FCSK: variants seen among roughly 807,000 people sequenced by gnomAD.
FCSK encodes the protein fucose kinase.
Under a neutral mutation model 122.5 loss-of-function variants are expected in FCSK, and 123 were observed. The ratio of observed to expected loss-of-function variants is 1.00; its 90% CI spans 0.87 to 1.17. The LOEUF (loss-of-function observed/expected upper bound fraction) is 1.17. Among genes scored for constraint, FCSK ranks in the 50% most tolerant of loss-of-function variants. FCSK has a pLI of 0.00. For synonymous variants in FCSK, 620 were observed against 625.5 expected (o/e 0.99, Z 0.13); for missense variants, 1,366 against 1,450.4 (o/e 0.94, Z 0.95).
intron 8 of FCSK, among the ~76,000 whole-genome samples, chr16:70,468,324 G>C (rs2048490158): frequency 6.6e-6 from 1 of 152,212 alleles, no homozygotes; most frequent in African/African-American, 2.4e-5. Flanking sequence ...AGAGGTAGAG[G>C]CTCGAGAATC....
chr16:70,464,988 G>A, intron 3 of FCSK, 138 bp from the exon 4 acceptor site: 1 of 1,544,926 alleles, frequency 6.5e-7, no homozygotes, highest in East Asian at 2.5e-5. Context: ...TCTGCCTGTG[G>A]CCATTGGTTT....
At position 70,472,389 on chromosome 16, in the gene FCSK, C is replaced by T. The variant is rs184319556; in HGVS notation, c.1342-152C>T. The T allele has an allele frequency of 3.9e-5, 23 of 585,906 alleles. No homozygotes were observed. The East Asian group carries it at 7.0e-4, about 18-fold the overall frequency. The allele number at this position is 585,906 out of a possible 1,614,324, so 36.3% of individuals were successfully genotyped here. The stretch of plus-strand genomic sequence containing the variant: ...CATACCTGCAGTGAGCTGACCACAC[C>T]ACTGCACTCCAGCCTGGGTGGGTCA... On this transcript the variant is annotated intron_variant, in intron 13 of 23. Transcript: ENST00000288078.
rs2048589996 is a variant in FCSK at position 70,470,867 on chromosome 16, G to A, written c.1069-104G>A. On this transcript the variant is annotated intron_variant, in intron 11 of 23. Coordinates refer to ENST00000288078, the MANE Select transcript of FCSK (RefSeq NM_145059.3). ...GTCTAGGGTGCTGCAGGGCAGGGGA[G>A]CAGTAGGCCTGGACGCTTTGCCCCT... 6 of 963,254 alleles carry A rather than the reference G, an allele frequency of 6.2e-6. No individual in the cohort carries two copies. In the East Asian group the frequency reaches 1.6e-4, roughly 25 times the overall value. 59.7% of individuals were successfully genotyped at this position (963,254 alleles called of 1,614,324 possible).
chr16:70,475,544 C>G (rs2048780547), intron 19 of FCSK, 51 bp downstream of exon 19: 1 of 1,592,508 alleles, frequency 6.3e-7, no homozygotes, highest in African/African-American at 1.3e-5. Context: ...GCCCTCCAGC[C>G]TTGCCTGTGA....
intron 11 of FCSK, 89 bp from the exon 12 acceptor site, chr16:70,470,882 G>A (rs926361769): frequency 6.8e-6 from 8 of 1,176,154 alleles, no homozygotes; most frequent in East Asian, 2.6e-5. Flanking sequence ...AGGCCTGGAC[G>A]CTTTGCCCCT....
At chr16:70,466,988 C>A in intron 6 of FCSK, 34 bp downstream of exon 6, 2 of 1,594,020 alleles carry the variant, frequency 1.3e-6, no homozygotes, top group Non-Finnish European at 1.7e-6. Flanking sequence ...TGCCTTCCTT[C>A]GTCACAGCCA....
Position 70,478,257 on chromosome 16 carries a change from T to A in FCSK, c.2642-15T>A, listed in dbSNP as rs375454528. 1.2e-6 allele frequency: 2 copies of A among 1,612,832 alleles called. No individual in the cohort carries two copies. Among genetic ancestry groups the A allele is most frequent in the African/African-American group, 2.7e-5 (2 of 74,900 alleles). ...GCCAGATAGACTCCAACAGTGACAG[T>A]CCCTGGGCTCACAGGAGGTGGCTGG... is the stretch of plus-strand genomic sequence containing the variant. On this transcript the variant is annotated splice_polypyrimidine_tract_variant and intron_variant, in intron 20 of 23. Transcript: ENST00000288078.
chr16:70,475,281 C>A, intron 18 of FCSK, 69 bp from the exon 19 acceptor site: 1 of 1,572,292 alleles, frequency 6.4e-7, no homozygotes, highest in Non-Finnish European at 8.6e-7. Context: ...GCTGGGAAGT[C>A]CAGGGTGGGT....
chr16:70,461,688 G>A (rs1425447208), intron 1 of FCSK, among the ~76,000 whole-genome samples: 1 of 152,118 alleles, frequency 6.6e-6, no homozygotes, highest in Non-Finnish European at 1.5e-5. Context: ...GAGGAGCCTG[G>A]GGGGTGGGGT....
Position 70,467,428 on chromosome 16 carries a change from C to T in FCSK, c.539C>T (p.Pro180Leu), listed in dbSNP as rs546740302. 28 of 1,610,430 alleles carry T rather than the reference C, an allele frequency of 1.7e-5. No individual in the cohort carries two copies. Among genetic ancestry groups the T allele is most frequent in the East Asian group, 1.1e-4 (5 of 44,696 alleles). ...AGAGTGATCGCCCTCCCAGGGAGCC[C>T]GGCCTACGCTCAGAATCATGGCGTC... ...GARVIALPGS[P>L]AYAQNHGVYL... Residue 180 changes from proline (P) to leucine (L), a missense_variant, in exon 7 of 24, where the codon CCG becomes CTG. Coordinates refer to ENST00000288078, the MANE Select transcript of FCSK (RefSeq NM_145059.3).
chr16:70,458,505 C>A (rs1392498036), intron 1 of FCSK, among the ~76,000 whole-genome samples: 1 of 151,562 alleles, frequency 6.6e-6, no homozygotes, highest in Non-Finnish European at 1.5e-5. Context: ...CTCACTCTGT[C>A]GCCCAGGCTG....
rs760676227 is a variant in FCSK, at chr16:70,474,874, C to G, written c.2240C>G (p.Pro747Arg). 5.0e-6 allele frequency: 8 copies of G among 1,601,574 alleles called. No individual in the cohort carries two copies. In the African/African-American group the frequency reaches 8.0e-5, roughly 16 times the overall value. Reference sequence around the variant, plus strand: ...GCTGTGCGAGTGGACGGCCGCCGGCCCATCGGAGCCAGGGCACGCCGCATC... The same window carrying G: ...GCTGTGCGAGTGGACGGCCGCCGGCGCATCGGAGCCAGGGCACGCCGCATC... Reference protein sequence around the residue: ...GLAVRVDGRRPIGARARRIPE... With the variant: ...GLAVRVDGRRRIGARARRIPE... Residue 747 changes from proline to arginine, a missense_variant, in exon 18 of 24, where the codon CCC becomes CGC. Physicochemically the swap from Pro to Arg is moderately radical, Grantham distance 103 (BLOSUM62 -2). Transcript: ENST00000288078.
intron 3 of FCSK, 137 bp downstream of exon 3, chr16:70,463,911 C>T (rs1029624495): frequency 3.1e-5 from 29 of 942,908 alleles, no homozygotes; most frequent in South Asian, 1.2e-4. Context: ...GTAAATTGGG[C>T]GGACTCATCT....
At chr16:70,454,715 C>T (rs1235380182) in intron 1 of FCSK, 85 bp downstream of exon 1, 1 of 152,162 alleles carries the variant, frequency 6.6e-6, no homozygotes, top group Non-Finnish European at 1.5e-5. Context: ...TGCACCCTCC[C>T]TGACTGGGAG....
At position 70,474,805 on chromosome 16, in the gene FCSK, C is replaced by T. The variant is rs371830988; in HGVS notation, c.2171C>T (p.Thr724Met). 56 of 1,578,794 alleles carry T rather than the reference C, an allele frequency of 3.5e-5. No individual in the cohort carries two copies. Among genetic ancestry groups the T allele is most frequent in the African/African-American group, 1.5e-4 (11 of 74,248 alleles). Residue 724 changes from threonine to methionine, a missense_variant, in exon 18 of 24, where the codon ACG becomes ATG. Physicochemically the swap from Thr to Met is moderately conservative, Grantham distance 81. Coordinates refer to ENST00000288078, the MANE Select transcript of FCSK (RefSeq NM_145059.3). ...RVDFSGGWSD[T>M]PPLAYELGGA... The stretch of plus-strand genomic sequence containing the variant: ...ACTGCCATAGGGGGCTGGAGTGACA[C>T]GCCACCCCTTGCCTATGAGCTTGGC...
intron 1 of FCSK, 99 bp downstream of exon 1, chr16:70,454,729 C>G (rs1044155178): frequency 1.3e-5 from 2 of 152,102 alleles, no homozygotes; most frequent in African/African-American, 2.4e-5. Flanking sequence ...CTGGGAGCAC[C>G]GAGTCGACCC....
At position 70,471,165 on chromosome 16, in the gene FCSK, GC is replaced by G; in HGVS notation, c.1171-14del. 6.3e-7 allele frequency: 1 copy of G among 1,598,410 alleles called. No individual in the cohort carries two copies. ...GGGTGCCTGCCCACCCAGGATGCCT[GC>G]CCTGTCCCCCACCAGGGCCCCATTC... is the stretch of plus-strand genomic sequence containing the variant. On this transcript the variant is annotated splice_polypyrimidine_tract_variant and intron_variant, in intron 12 of 23. Coordinates refer to ENST00000288078, the MANE Select transcript of FCSK (RefSeq NM_145059.3).
chr16:70,462,722 G>A (rs1363353197), intron 1 of FCSK, among the ~76,000 whole-genome samples: 1 of 152,134 alleles, frequency 6.6e-6, no homozygotes, highest in Non-Finnish European at 1.5e-5. Context: ...TTGGCCCACT[G>A]CAGCCTCCGC....
rs1597590319 is a variant in FCSK at position 70,454,627 on chromosome 16, G to C, written c.-26G>C. 2.6e-5 allele frequency: 4 copies of C among 151,966 alleles called. No homozygotes were observed. The highest frequency in any genetic ancestry group is 9.7e-5 in the African/African-American group (4 of 41,402). The allele number at this position is 151,966 out of a possible 1,614,324, so 9.4% of individuals were successfully genotyped here. On this transcript the variant is annotated 5_prime_UTR_variant, in exon 1 of 24. Coordinates refer to ENST00000288078, the MANE Select transcript of FCSK (RefSeq NM_145059.3). ...CCGCTCCGCCGAGCGCCGGGCGACG[G>C]CAGGTACGTCAGTCCGCGAGGGTCG... is the stretch of plus-strand genomic sequence containing the variant.
Sources: gnomAD v4.1 joint callset for allele counts (sites outside exome capture counted in the v4.1 genomes callset) on GRCh38, gnomAD v4.1.1 for gene constraint, MANE v1.5 for transcripts, NCBI Gene and HGNC (gene_info 2026-07-23, HGNC 2026-07-21) for gene names.